The following CCDC61 variants were observed in gnomAD, a reference collection of about 807,000 sequenced individuals.
The protein encoded by CCDC61 is centrosomal protein CCDC61.
Under a neutral mutation model 63.0 loss-of-function variants are expected in CCDC61, and 55 were observed. That is an observed-to-expected ratio of 0.87 (90% CI 0.70 to 1.09). CCDC61 has a LOEUF of 1.09. CCDC61 is among the 50% of genes least tolerant of loss of function. The probability of loss-of-function intolerance (pLI) is 0.00; values close to 1 mark genes in which losing one functional copy is unlikely to be tolerated. For missense variants in CCDC61, 651 were observed against 731.4 expected (o/e 0.89, Z 1.27); for synonymous variants, 270 against 317.0 (o/e 0.85, Z 1.58).
At position 46,018,395 on chromosome 19, in the gene CCDC61, A is replaced by G. The variant is rs1367630827; in HGVS notation, c.*8A>G. The G allele has an allele frequency of 3.2e-6, 5 of 1,556,210 alleles. No homozygotes were observed. The African/African-American group carries it at 6.8e-5, about 21-fold the overall frequency. ...CTGGACATGCGGTCATAACGTGGAG[A>G]AGGGGTACTACCCCTCCATCCCCCA... On this transcript the variant is annotated 3_prime_UTR_variant, in exon 14 of 14. Coordinates refer to ENST00000595358, the MANE Select transcript of CCDC61 (RefSeq NM_001267723.2). The surrounding 1 kb of genome is among the most constrained non-coding windows in gnomAD (Gnocchi z 4.2).
chr19:46,003,594 C>T (rs1968636359), intron 3 of CCDC61, 93 bp downstream of exon 3: 1 of 769,220 alleles, frequency 1.3e-6, no homozygotes, highest in Admixed American at 2.5e-5. Context: ...GTAAGACCCT[C>T]TACCTTCTCT....
At chr19:46,017,463 A>C (rs1396638053) in intron 12 of CCDC61, among the ~76,000 whole-genome samples, 159 bp downstream of exon 12, 4 of 151,828 alleles carry the variant, frequency 2.6e-5, no homozygotes, top group Non-Finnish European at 4.4e-5. Flanking sequence ...GCAGTGGGGC[A>C]ATTGTAGCTC....
chr19:46,008,153 C>T lies in CCDC61; in HGVS notation c.403C>T (p.Leu135=). 1 of 1,610,208 alleles carries T rather than the reference C, an allele frequency of 6.2e-7. No homozygotes were observed. Residue 135 remains leucine, a synonymous_variant, in exon 5 of 14, where the codon CTG becomes TTG. Transcript: ENST00000595358. Reference sequence around the variant, plus strand: ...CTCCCTCCTCAGGATTCACTACCCGCTGCCCCTCCCGTACCAGGGCAAGCC... The same window carrying T: ...CTCCCTCCTCAGGATTCACTACCCGTTGCCCCTCCCGTACCAGGGCAAGCC... ...SVEFDRIHYP[L]PLPYQGKPDP...
Position 46,018,129 on chromosome 19 carries a change from G to C in CCDC61, c.1420G>C (p.Gly474Arg). 3.1e-6 allele frequency: 5 copies of C among 1,608,420 alleles called. No homozygotes were observed. Among genetic ancestry groups the C allele is most frequent in the East Asian group, 2.2e-5 (1 of 44,508 alleles). The change falls in exon 13 of 14, where the codon GGG (glycine) becomes CGG (arginine). Residue 474 changes from glycine to arginine, a missense_variant. Transcript: ENST00000595358. This position sits in a 1 kb window ranked among gnomAD's most constrained non-coding sequence, Gnocchi z 4.2. ...SHHQKSLANS[G>R]GWVPIKEYSS... ...CCATCAGAAATCTCTGGCCAACTCC[G>C]GGGGCTGGGTCCCCATCAAAGGTGA...
At chr19:46,004,623 C>T (rs1478145999) in intron 3 of CCDC61, among the ~76,000 whole-genome samples, 1 of 151,942 alleles carries the variant, frequency 6.6e-6, no homozygotes, top group Non-Finnish European at 1.5e-5. Context: ...TGCCGCCACA[C>T]CCGGCTAATT....
chr19:46,001,218 A>G (rs1968585684), intron 1 of CCDC61, among the ~76,000 whole-genome samples: 1 of 151,936 alleles, frequency 6.6e-6, no homozygotes, highest in Non-Finnish European at 1.5e-5. Flanking sequence ...GATCGAGATT[A>G]TTATTTTTTA....
chr19:46,012,572 A>C (rs1057245890), intron 5 of CCDC61, among the ~76,000 whole-genome samples: 5 of 151,988 alleles, frequency 3.3e-5, no homozygotes, highest in Non-Finnish European at 7.4e-5. Context: ...ACTTGAACCC[A>C]GGAGGCAGAG....
At chr19:46,005,440 G>A (rs1457109873) in intron 3 of CCDC61, among the ~76,000 whole-genome samples, 2 of 151,908 alleles carry the variant, frequency 1.3e-5, no homozygotes, top group African/African-American at 2.4e-5. Flanking sequence ...TTTTACCTGT[G>A]GATGATCTTG....
In CCDC61 at chr19:46,009,837, T is replaced by TGTGTGTGTGTGTGTGC. The variant is rs1272891549; in HGVS notation, c.551+1537_551+1538insTGTGTGTGTGTGTGCG. Among the ~76,000 whole-genome samples, 7 of 151,346 alleles carry TGTGTGTGTGTGTGTGC rather than the reference T, an allele frequency of 4.6e-5. No individual in the cohort carries two copies. In the South Asian group the frequency reaches 6.3e-4, roughly 14 times the overall value. Reference sequence around the variant, plus strand: ...GTGTATGTGTGTGTGTGTGTGTGTGTGCGCGCGCGTTTGCTCTGTCTCAGG... The same window carrying TGTGTGTGTGTGTGTGC: ...GTGTATGTGTGTGTGTGTGTGTGTGTGTGTGTGTGTGTGTGCGCGCGCGCGTTTGCTCTGTCTCAGG... On this transcript the variant is annotated intron_variant, in intron 5 of 13. Coordinates refer to ENST00000595358, the MANE Select transcript of CCDC61 (RefSeq NM_001267723.2).
rs1330687921 is a variant in CCDC61, at chr19:46,017,007, C to T, written c.1248C>T (p.Ser416=). The T allele has an allele frequency of 1.9e-6, 3 of 1,611,808 alleles. No individual in the cohort carries two copies. The highest frequency in any genetic ancestry group is 4.5e-5 in the East Asian group (2 of 44,844). ...TCCCTCTAGTGGACAGTTTCCGCAG[C>T]CGCTGCTCGTCTGCCAGCTCCTGCA... ...NRSSSVDSFR[S]RCSSASSCSD... is the part of the protein sequence containing the mutation. Residue 416 remains serine (S), a synonymous_variant, in exon 11 of 14, where the codon AGC becomes AGT. Coordinates refer to ENST00000595358, the MANE Select transcript of CCDC61 (RefSeq NM_001267723.2).
chr19:46,014,774 T>C (rs1968890950), intron 5 of CCDC61, among the ~76,000 whole-genome samples: 1 of 152,134 alleles, frequency 6.6e-6, no homozygotes, highest in Non-Finnish European at 1.5e-5. Context: ...TTCCCACTCC[T>C]TCACCCGCAC....
At chr19:46,014,129 A>C (rs1185967341) in intron 5 of CCDC61, among the ~76,000 whole-genome samples, 3 of 151,996 alleles carry the variant, frequency 2.0e-5, no homozygotes, top group Non-Finnish European at 4.4e-5. Flanking sequence ...AATTTCTTAC[A>C]TTTTTTAAAA....
rs765609070 is a variant in CCDC61 at position 46,018,097 on chromosome 19, G to A, written c.1388G>A (p.Arg463His). The change falls in exon 13 of 14, where the codon CGC becomes CAC. Residue 463 changes from arginine (R) to histidine (H), a missense_variant. Coordinates refer to ENST00000595358, the MANE Select transcript of CCDC61 (RefSeq NM_001267723.2). The surrounding 1 kb of genome is among the most constrained non-coding windows in gnomAD (Gnocchi z 4.2). ...GSNMKSPPVE[R>H]SHHQKSLANS... ...CACCAGAAGTCTCCCCCCGTGGAAC[G>A]CAGCCACCATCAGAAATCTCTGGCC... 16 of 1,610,726 alleles carry A rather than the reference G, an allele frequency of 9.9e-6. No homozygotes were observed. Among genetic ancestry groups the A allele is most frequent in the East Asian group, 9.0e-5 (4 of 44,674 alleles).
intron 3 of CCDC61, 141 bp downstream of exon 3, chr19:46,003,642 C>A: frequency 1.8e-6 from 1 of 560,620 alleles, no homozygotes; most frequent in Non-Finnish European, 3.1e-6. Flanking sequence ...TCTTCTTTTG[C>A]CAAGTGTAAA....
chr19:46,008,004 G>GTGC, intron 4 of CCDC61, 136 bp from the exon 5 acceptor site: 1 of 864,392 alleles, frequency 1.2e-6, no homozygotes, highest in South Asian at 2.1e-5. Context: ...CCTTGAGGAT[G>GTGC]TGCTCATAAG....
intron 5 of CCDC61, 89 bp from the exon 6 acceptor site, chr19:46,014,957 GGGA>G: frequency 8.8e-7 from 1 of 1,139,124 alleles, no homozygotes. Flanking sequence ...CCCCCTTCCG[GGGA>G]GGTGAAATGA....
rs754811809 is a variant in CCDC61, at chr19:46,006,619, C to T, written c.292C>T (p.Arg98Cys). The T allele has an allele frequency of 1.7e-5, 27 of 1,613,798 alleles. No individual in the cohort carries two copies. The highest frequency in any genetic ancestry group is 1.7e-4 in the Middle Eastern group (1 of 6,060). The change falls in exon 4 of 14, where the codon CGC becomes TGC. Residue 98 changes from arginine (R) to cysteine (C), a missense_variant. By Grantham distance (180) the Arg-to-Cys change is radical. Coordinates refer to ENST00000595358, the MANE Select transcript of CCDC61 (RefSeq NM_001267723.2). ...TYTDLESLRN[R>C]KMGGRPGSLA... is the part of the protein sequence containing the mutation. Reference sequence around the variant, plus strand: ...CACAGACCTGGAGTCCCTGCGGAACCGCAAGATGGGGGGCCGCCCAGGCTC... The same window carrying T: ...CACAGACCTGGAGTCCCTGCGGAACTGCAAGATGGGGGGCCGCCCAGGCTC...
intron 1 of CCDC61, among the ~76,000 whole-genome samples, chr19:46,000,458 A>AG (rs1222827761): frequency 4.0e-5 from 6 of 148,286 alleles, no homozygotes; most frequent in Non-Finnish European, 9.1e-5. Flanking sequence ...CTGGGAGAGC[A>AG]GGATGGAATG....
chr19:46,007,984 C>T (rs1481288312), intron 4 of CCDC61, among the ~76,000 whole-genome samples, 156 bp from the exon 5 acceptor site: 1 of 152,182 alleles, frequency 6.6e-6, no homozygotes, highest in East Asian at 1.9e-4. Flanking sequence ...GGTCCGGGTA[C>T]AGGGAGGGGC....
Sources: gnomAD v4.1 joint callset for allele counts (sites outside exome capture counted in the v4.1 genomes callset) on GRCh38, gnomAD v4.1.1 for gene constraint, Gnocchi (gnomAD v3.1) non-coding constraint, MANE v1.5 for transcripts, NCBI Gene and HGNC (gene_info 2026-07-23, HGNC 2026-07-21) for gene names.